Variants in ADGRL3 observed in about 807,000 individuals in gnomAD.
ADGRL3 encodes adhesion G protein-coupled receptor L3.
A neutral mutation model predicts 153.5 loss-of-function variants in ADGRL3; 62 were observed. The ratio of observed to expected loss-of-function variants is 0.40; its 90% confidence interval spans 0.33 to 0.50. ADGRL3 has a LOEUF of 0.50. ADGRL3 is among the 20% of genes least tolerant of loss of function. The pLI is 0.47. For missense variants in ADGRL3, 1,641 were observed against 1,859.4 expected (o/e 0.88, Z 2.16); for synonymous variants, 710 against 672.5 (o/e 1.06, Z -0.86).
At chr4:61,855,995 CAGA>C (rs2098259279) in intron 9 of ADGRL3, among the ~76,000 whole-genome samples, 1 of 152,036 alleles carries the variant, frequency 6.6e-6, no homozygotes, top group Non-Finnish European at 1.5e-5. Context: ...CAGGTGAGTC[CAGA>C]ACTTAAACAT....
At position 61,947,231 on chromosome 4, in the gene ADGRL3, C is replaced by T. The variant is rs1389207281; in HGVS notation, c.2628+109C>T. 3.3e-5 allele frequency: 29 copies of T among 869,784 alleles called. No individual in the cohort carries two copies. In the South Asian group the frequency reaches 3.4e-4, roughly 10 times the overall value. The allele number at this position is 869,784 out of a possible 1,614,324, so 53.9% of individuals were successfully genotyped here. A position where few individuals can be genotyped will look rare whatever the true frequency, so the allele number is the denominator to read the frequency against. On this transcript the variant is annotated intron_variant, in intron 16 of 26. Coordinates refer to ENST00000683033, the MANE Select transcript of ADGRL3 (RefSeq NM_001387552.1). ...AATGTTTTTTCTATTTGACATATAA[C>T]AGTTCATTATCTGTACAATGTAGTG...
At chr4:61,960,634 A>G (rs1284695345) in intron 17 of ADGRL3, among the ~76,000 whole-genome samples, 1 of 152,234 alleles carries the variant, frequency 6.6e-6, no homozygotes, top group African/African-American at 2.4e-5. Flanking sequence ...AACTTCAGCC[A>G]TGCCCATGTG....
intron 1 of ADGRL3, among the ~76,000 whole-genome samples, chr4:61,364,648 A>G (rs1461645067): frequency 1.3e-5 from 2 of 152,228 alleles, no homozygotes; most frequent in Non-Finnish European, 2.9e-5. Flanking sequence ...AAGATAAATG[A>G]ATAAATAAGT....
chr4:61,724,578 T>TA (rs2096293592), intron 6 of ADGRL3, among the ~76,000 whole-genome samples: 1 of 152,186 alleles, frequency 6.6e-6, no homozygotes, highest in African/African-American at 2.4e-5. Flanking sequence ...GCCATTGTAA[T>TA]GCAAGGTACT....
At chr4:61,468,451 T>G (rs939144709) in intron 2 of ADGRL3, among the ~76,000 whole-genome samples, 1 of 152,172 alleles carries the variant, frequency 6.6e-6, no homozygotes, top group Admixed American at 6.6e-5. Flanking sequence ...GGAACCATTT[T>G]TCTCTAAAAG....
chr4:61,322,459 T>A (rs2095378732), intron 1 of ADGRL3, among the ~76,000 whole-genome samples: 1 of 152,214 alleles, frequency 6.6e-6, no homozygotes, highest in Non-Finnish European at 1.5e-5. Flanking sequence ...AAGTCTCATC[T>A]GAGACAAGGC....
intron 4 of ADGRL3, among the ~76,000 whole-genome samples, chr4:61,539,942 CT>C (rs1245400766): frequency 6.6e-6 from 1 of 152,124 alleles, no homozygotes; most frequent in Non-Finnish European, 1.5e-5. Context: ...CCTCCCTCAG[CT>C]TTCCATTCAA....
intron 9 of ADGRL3, among the ~76,000 whole-genome samples, chr4:61,819,463 C>T (rs1233856789): frequency 6.6e-6 from 1 of 152,004 alleles, no homozygotes; most frequent in Non-Finnish European, 1.5e-5. Flanking sequence ...CTCCATTCAC[C>T]CATGACTCTC....
At chr4:61,486,905 A>C (rs1036596311) in intron 2 of ADGRL3, among the ~76,000 whole-genome samples, 4 of 152,178 alleles carry the variant, frequency 2.6e-5, no homozygotes, top group African/African-American at 9.7e-5. Flanking sequence ...CATGAGTAAA[A>C]TGGGTTATTG....
Position 61,983,469 on chromosome 4 carries a change from T to C in ADGRL3, c.3102T>C (p.Tyr1034=). ...TGTTCCTGGAGGGGGTGCAGCTTTA[T>C]ATCATGCTGGTGGAGGTTTTTGAGA... ...TWMFLEGVQL[Y]IMLVEVFESE... is the part of the protein sequence containing the mutation. Residue 1034 remains tyrosine (Y), a synonymous_variant, in exon 19 of 27, where the codon TAT becomes TAC. Coordinates refer to ENST00000683033, the MANE Select transcript of ADGRL3 (RefSeq NM_001387552.1). The C allele has an allele frequency of 6.2e-7, 1 of 1,613,974 alleles. No individual in the cohort carries two copies.
chr4:61,729,057 G>C (rs2096395796), intron 6 of ADGRL3, among the ~76,000 whole-genome samples: 1 of 151,840 alleles, frequency 6.6e-6, no homozygotes, highest in Admixed American at 6.6e-5. Context: ...TATTTGTAGA[G>C]AGGGAGGGAG....
chr4:61,372,316 G>A (rs1254258794), intron 1 of ADGRL3, among the ~76,000 whole-genome samples: 5 of 152,164 alleles, frequency 3.3e-5, no homozygotes, highest in African/African-American at 1.2e-4. Flanking sequence ...CTGCTTTTTA[G>A]AGTTTCCAGT....
At chr4:61,628,445 A>C (rs932945531) in intron 5 of ADGRL3, among the ~76,000 whole-genome samples, 4 of 152,192 alleles carry the variant, frequency 2.6e-5, no homozygotes, top group African/African-American at 9.6e-5. Flanking sequence ...CTTTAAGACA[A>C]AGAAGCTCTT....
rs988338722 is a variant in ADGRL3 at position 61,885,806 on chromosome 4, A to C, written c.1481-6850A>C. On this transcript the variant is annotated intron_variant, in intron 9 of 26. Transcript: ENST00000683033. Reference sequence around the variant, plus strand: ...TCGGGGGAATTATTTAATTTAACCTATTTCATCTCTGAAATGAAGATGAGT... The same window carrying C: ...TCGGGGGAATTATTTAATTTAACCTCTTTCATCTCTGAAATGAAGATGAGT... 2.6e-5 allele frequency among the ~76,000 whole-genome samples: 4 copies of C among 152,172 alleles called. No homozygotes were observed. In the South Asian group the frequency reaches 8.3e-4, roughly 32 times the overall value.
intron 4 of ADGRL3, among the ~76,000 whole-genome samples, chr4:61,543,142 A>AC (rs892798818): frequency 0.046 from 3,575 of 78,308 alleles, 170 homozygotes; most frequent in African/African-American, 0.14. Flanking sequence ...CCTCCCCCCC[A>AC]CCCCCCCACC....
At chr4:61,991,663 GCA>G (rs1360279528) in intron 19 of ADGRL3, among the ~76,000 whole-genome samples, 2 of 151,612 alleles carry the variant, frequency 1.3e-5, no homozygotes, top group Non-Finnish European at 2.9e-5. Flanking sequence ...AAAAATTCAT[GCA>G]CTTGCTTGCA....
intron 4 of ADGRL3, among the ~76,000 whole-genome samples, chr4:61,574,644 C>T (rs184165915): frequency 3.7e-4 from 56 of 151,728 alleles, no homozygotes; most frequent in African/African-American, 1.2e-3. Context: ...TTAAACTCAA[C>T]GAATCAATAT....
At chr4:61,893,525 C>CA (rs1030418455) in intron 10 of ADGRL3, among the ~76,000 whole-genome samples, 9 of 151,922 alleles carry the variant, frequency 5.9e-5, no homozygotes, top group Non-Finnish European at 1.0e-4. Context: ...TAATATGTAA[C>CA]AAAAAAGAAA....
intron 13 of ADGRL3, among the ~76,000 whole-genome samples, chr4:61,929,399 T>C (rs2098807956): frequency 6.6e-6 from 1 of 152,200 alleles, no homozygotes; most frequent in Non-Finnish European, 1.5e-5. Context: ...CCAAATGGAC[T>C]AAGAGCCCAC....
Sources: gnomAD v4.1 joint callset for allele counts (sites outside exome capture counted in the v4.1 genomes callset) on GRCh38, gnomAD v4.1.1 for gene constraint, MANE v1.5 for transcripts, NCBI Gene and HGNC (gene_info 2026-07-23, HGNC 2026-07-21) for gene names.